The following CLPB variants were observed in gnomAD, a reference collection of about 807,000 sequenced individuals.
CLPB encodes mitochondrial disaggregase.
In CLPB, 40 loss-of-function variants were observed where a neutral mutation model predicts 78.4. The observed-to-expected ratio is 0.51, with a 90% CI of 0.40 to 0.66. The LOEUF (loss-of-function observed/expected upper bound fraction) is 0.66. Among genes scored for constraint, CLPB ranks in the 30% least tolerant of loss-of-function variants. CLPB has a pLI of 0.00. For synonymous variants in CLPB, 333 were observed against 348.0 expected, an observed-to-expected ratio of 0.96 and a Z score of 0.48; for missense variants, 780 against 886.9, an observed-to-expected ratio of 0.88 and a Z score of 1.53.
intron 5 of CLPB, 49 bp from the exon 6 acceptor site, chr11:72,329,853 A>G (rs368575457): frequency 2.9e-5 from 42 of 1,434,118 alleles, no homozygotes; most frequent in Non-Finnish European, 3.7e-5. Flanking sequence ...GATCAGTGGG[A>G]CCTCAGCCTT....
intron 3 of CLPB, among the ~76,000 whole-genome samples, chr11:72,400,154 G>A (rs1432586123): frequency 6.6e-6 from 1 of 152,052 alleles, no homozygotes; most frequent in African/African-American, 2.4e-5. Context: ...AGCTCTATGT[G>A]GGCAGGGATC....
intron 7 of CLPB, among the ~76,000 whole-genome samples, chr11:72,316,463 T>C (rs1325316543): frequency 6.6e-6 from 1 of 152,156 alleles, no homozygotes; most frequent in African/African-American, 2.4e-5. Flanking sequence ...GCCACTGTAT[T>C]CAGCAGAACC....
At chr11:72,377,003 C>A (rs1164673588) in intron 4 of CLPB, among the ~76,000 whole-genome samples, 1 of 152,160 alleles carries the variant, frequency 6.6e-6, no homozygotes, top group Non-Finnish European at 1.5e-5. Flanking sequence ...TGGGTAATTA[C>A]CGGGTACCAG....
intron 5 of CLPB, chr11:72,354,233 AT>A (rs1325643537): frequency 7.7e-6 from 3 of 391,112 alleles, no homozygotes; most frequent in African/African-American, 6.2e-5. Flanking sequence ...ACAAAAAAAA[AT>A]TGACTAGTGA....
chr11:72,400,572 C>T (rs1394368020), intron 3 of CLPB, among the ~76,000 whole-genome samples: 2 of 152,210 alleles, frequency 1.3e-5, no homozygotes, highest in Non-Finnish European at 2.9e-5. Context: ...AAATACTACA[C>T]ACAGAAGGGA....
chr11:72,425,384 T>C (rs1856345069), intron 2 of CLPB, among the ~76,000 whole-genome samples: 1 of 152,212 alleles, frequency 6.6e-6, no homozygotes, highest in Non-Finnish European at 1.5e-5. Flanking sequence ...AATCATTTTG[T>C]TATTAGTAAT....
chr11:72,420,121 C>A (rs182791161), intron 2 of CLPB, among the ~76,000 whole-genome samples: 2 of 152,192 alleles, frequency 1.3e-5, no homozygotes, highest in African/African-American at 4.8e-5. Flanking sequence ...CAAGGCAGGA[C>A]TGCTTGAGCC....
intron 2 of CLPB, among the ~76,000 whole-genome samples, chr11:72,407,299 T>A (rs1855738228): frequency 6.6e-6 from 1 of 152,248 alleles, no homozygotes; most frequent in South Asian, 2.1e-4. Context: ...GAGGTGTGCC[T>A]GTGTATCCCT....
rs373383193 is a variant in CLPB, at chr11:72,294,645, T to A, written c.1535A>T (p.Glu512Val). Residue 512 changes from glutamate to valine, a missense_variant, in exon 13 of 16, where the codon GAG becomes GTG. Glu to Val is a moderately radical substitution (Grantham distance 121). Transcript: ENST00000538039. Reference sequence around the variant, plus strand: ...TTTCAGGATAGGGCGAATCACATTCTCCTTGAAGTTCTTTGAGATGGTGAT... The same window carrying A: ...TTTCAGGATAGGGCGAATCACATTCACCTTGAAGTTCTTTGAGATGGTGAT... ...DKITISKNFK[E>V]NVIRPILKAH... 1.2e-3 allele frequency: 1,877 copies of A among 1,614,184 alleles called. 39 individuals carry two copies. The South Asian group carries it at 0.019, about 16-fold the overall frequency.
At chr11:72,341,983 G>T (rs1950428420) in intron 5 of CLPB, among the ~76,000 whole-genome samples, 1 of 152,224 alleles carries the variant, frequency 6.6e-6, no homozygotes, top group Admixed American at 6.5e-5. Flanking sequence ...AATTAGAGAA[G>T]TGGGGACAGA....
At chr11:72,315,305 TG>T (rs1181699693) in intron 7 of CLPB, among the ~76,000 whole-genome samples, 2 of 152,166 alleles carry the variant, frequency 1.3e-5, no homozygotes, top group African/African-American at 4.8e-5. Context: ...CTGAGGAGCA[TG>T]GTGGGGCTTA....
chr11:72,370,298 T>C (rs1271812064), intron 4 of CLPB, among the ~76,000 whole-genome samples: 1 of 152,206 alleles, frequency 6.6e-6, no homozygotes, highest in Non-Finnish European at 1.5e-5. Flanking sequence ...AACTAGTCTA[T>C]CTCTCTCTCC....
intron 2 of CLPB, among the ~76,000 whole-genome samples, chr11:72,420,742 T>C (rs1856171159): frequency 6.6e-6 from 1 of 152,162 alleles, no homozygotes; most frequent in African/African-American, 2.4e-5. Flanking sequence ...TTCAGGCAGA[T>C]AAGAGAGGGA....
In CLPB at chr11:72,308,529, A is replaced by G. The variant is rs1292319608; in HGVS notation, c.1064T>C (p.Ile355Thr). ...LVFLFLGSSGIGKTELAKQTA... is the reference protein window; with the variant it reads ...LVFLFLGSSGTGKTELAKQTA... ...CTGGCTGATCTGCTCCCAATTACCT[A>G]TTCCAGATGATCCCAAGAAGAGGAA... The change falls in exon 8 of 16, where the codon ATA becomes ACA. Residue 355 changes from isoleucine (I) to threonine (T), a missense_variant and splice_region_variant. By Grantham distance (89) the Ile-to-Thr change is moderately conservative. Transcript: ENST00000538039. 3 of 1,613,778 alleles carry G rather than the reference A, an allele frequency of 1.9e-6. No individual in the cohort carries two copies. The highest frequency in any genetic ancestry group is 2.5e-6 in the Non-Finnish European group (3 of 1,179,728).
chr11:72,366,539 A>C (rs894790164), intron 4 of CLPB, among the ~76,000 whole-genome samples: 5 of 152,154 alleles, frequency 3.3e-5, no homozygotes, highest in African/African-American at 1.2e-4. Context: ...AGAATCTATA[A>C]GGAACTTAAA....
At chr11:72,397,819 T>C (rs2135066240) in intron 3 of CLPB, among the ~76,000 whole-genome samples, 1 of 152,308 alleles carries the variant, frequency 6.6e-6, no homozygotes, top group Non-Finnish European at 1.5e-5. Context: ...GTCTTACAAT[T>C]TTTCTTCTAA....
rs762060567 is a variant in CLPB at position 72,350,471 on chromosome 11, T to G, written c.775+8409A>C. ...CCCTCTATTCTTCCTTAATAATACT[T>G]TTATTATTAGCTAGCAATTTAGCTA... On this transcript the variant is annotated intron_variant, in intron 5 of 15. Coordinates refer to ENST00000538039, the MANE Select transcript of CLPB (RefSeq NM_001258392.3). Among the ~76,000 whole-genome samples, 3 of 152,238 alleles carry G rather than the reference T, an allele frequency of 2.0e-5. 1 individual carries two copies. Among genetic ancestry groups the G allele is most frequent in the African/African-American group, 7.2e-5 (3 of 41,464 alleles).
intron 2 of CLPB, among the ~76,000 whole-genome samples, chr11:72,429,860 T>C (rs932149186): frequency 4.6e-5 from 7 of 152,252 alleles, no homozygotes; most frequent in African/African-American, 1.7e-4. Context: ...CCCCTGGCCC[T>C]GCAGGCAGGC....
intron 3 of CLPB, among the ~76,000 whole-genome samples, chr11:72,383,423 C>T (rs995906807): frequency 2.7e-5 from 4 of 150,678 alleles, no homozygotes; most frequent in East Asian, 2.0e-4. Flanking sequence ...CCCAGCTACT[C>T]GGAAGGCTGA....
Sources: allele counts gnomAD v4.1 joint callset (sites outside exome capture counted in the v4.1 genomes callset), GRCh38; gene constraint gnomAD v4.1.1; transcripts MANE v1.5; gene names NCBI Gene and HGNC (gene_info 2026-07-23, HGNC 2026-07-21).